Variants in SLC4A1AP observed in about 807,000 individuals in gnomAD.
SLC4A1AP encodes the protein solute carrier family 4 member 1 adaptor protein.
In SLC4A1AP, 64 loss-of-function variants were observed where a neutral mutation model predicts 89.7. The observed-to-expected ratio is 0.71, with a 90% CI of 0.58 to 0.88. SLC4A1AP has a LOEUF of 0.88. SLC4A1AP is among the 40% of genes least tolerant of loss of function. The probability of loss-of-function intolerance (pLI) is 0.00; values close to 1 mark genes in which losing one functional copy is unlikely to be tolerated. For synonymous variants in SLC4A1AP, 366 were observed against 353.3 expected (o/e 1.04, Z -0.40); for missense variants, 931 against 965.0 (o/e 0.96, Z 0.47).
chr2:27,693,540 A>G, intron 12 of SLC4A1AP, 145 bp from the exon 13 acceptor site: 1 of 604,254 alleles, frequency 1.7e-6, no homozygotes, highest in Non-Finnish European at 2.9e-6. Context: ...TTCATTCATG[A>G]AACTTAGTTT....
intron 5 of SLC4A1AP, among the ~76,000 whole-genome samples, chr2:27,670,705 A>G (rs1417365338): frequency 2.6e-5 from 4 of 151,566 alleles, no homozygotes; most frequent in Non-Finnish European, 4.4e-5. Flanking sequence ...AAATACAAAA[A>G]AAAAAATCAG....
At chr2:27,688,700 C>T in exon 12 of SLC4A1AP, 1 of 1,588,540 alleles carries the variant, frequency 6.3e-7, no homozygotes, top group African/African-American at 1.4e-5. Context: ...CTTAAATTAG[C>T]ATCAAAGAAT....
chr2:27,685,024 G>A lies in SLC4A1AP; in HGVS notation c.1876-13G>A, dbSNP rs1675681881. On this transcript the variant is annotated splice_polypyrimidine_tract_variant and intron_variant, in intron 9 of 13. Coordinates refer to ENST00000613058, the Ensembl canonical transcript of SLC4A1AP. ...AGTAGAACTACTTGTTCATGGTTTT[G>A]TTTCCCTCTTAGAAGTTACCCCCCA... 3.2e-6 allele frequency: 5 copies of A among 1,575,496 alleles called. No individual in the cohort carries two copies. In the East Asian group the frequency reaches 9.0e-5, roughly 28 times the overall value.
chr2:27,671,046 C>T (rs2148132582), intron 5 of SLC4A1AP, among the ~76,000 whole-genome samples: 1 of 150,608 alleles, frequency 6.6e-6, no homozygotes, highest in Non-Finnish European at 1.5e-5. Context: ...GCCTCAGCCT[C>T]CTGAGTAGCT....
At chr2:27,684,325 G>C (rs934358010) in intron 9 of SLC4A1AP, among the ~76,000 whole-genome samples, 1 of 151,696 alleles carries the variant, frequency 6.6e-6, no homozygotes, top group African/African-American at 2.4e-5. Flanking sequence ...CTACTCAGGA[G>C]GCTGAGGCAG....
intron 9 of SLC4A1AP, among the ~76,000 whole-genome samples, chr2:27,684,463 T>A (rs1356358043): frequency 2.6e-5 from 4 of 152,038 alleles, no homozygotes; most frequent in Non-Finnish European, 5.9e-5. Flanking sequence ...CAAGATATGC[T>A]TTGGTTCCTT....
At chr2:27,668,224 C>T (rs894739254) in intron 3 of SLC4A1AP, among the ~76,000 whole-genome samples, 6 of 152,162 alleles carry the variant, frequency 3.9e-5, no homozygotes, top group Admixed American at 1.3e-4. Context: ...TCTCGCCTCA[C>T]TGCAAGCTCC....
At chr2:27,687,064 A>G (rs1255609819) in intron 10 of SLC4A1AP, among the ~76,000 whole-genome samples, 2 of 152,104 alleles carry the variant, frequency 1.3e-5, no homozygotes, top group African/African-American at 4.8e-5. Flanking sequence ...TCAGCCTCCC[A>G]AAGTGCTGGG....
intron 11 of SLC4A1AP, among the ~76,000 whole-genome samples, chr2:27,688,240 C>T (rs1675735959): frequency 6.6e-6 from 1 of 152,196 alleles, no homozygotes; most frequent in Non-Finnish European, 1.5e-5. Flanking sequence ...GGGGTTCCCT[C>T]TCCCTCCCCC....
At chr2:27,680,481 T>A (rs892207169) in intron 8 of SLC4A1AP, among the ~76,000 whole-genome samples, 1 of 152,126 alleles carries the variant, frequency 6.6e-6, no homozygotes, top group African/African-American at 2.4e-5. Flanking sequence ...TTTGTTACAG[T>A]AAAACTATTT....
At chr2:27,677,259 A>G (rs747804031) in intron 6 of SLC4A1AP, 36 bp from the exon 7 acceptor site, 6 of 1,393,838 alleles carry the variant, frequency 4.3e-6, no homozygotes, top group African/African-American at 2.9e-5. Context: ...TTGAAAGAAG[A>G]AAAACTTTGT....
intron 8 of SLC4A1AP, among the ~76,000 whole-genome samples, chr2:27,681,472 A>G (rs775910442): frequency 6.6e-6 from 1 of 152,146 alleles, no homozygotes; most frequent in Non-Finnish European, 1.5e-5. Context: ...GGGCTGTCCC[A>G]TGGTCAATAT....
intron 13 of SLC4A1AP, among the ~76,000 whole-genome samples, chr2:27,694,308 A>G (rs1279848092): frequency 6.6e-6 from 1 of 152,178 alleles, no homozygotes; most frequent in Non-Finnish European, 1.5e-5. Context: ...TAGAGATTGT[A>G]CCAGTTTTAT....
chr2:27,691,977 C>G (rs1051166731), intron 12 of SLC4A1AP: 1 of 152,196 alleles, frequency 6.6e-6, no homozygotes, highest in Non-Finnish European at 1.5e-5. Context: ...CTCTCTCTCT[C>G]TCTCTCTCTT....
intron 1 of SLC4A1AP, 46 bp from the exon 2 acceptor site, chr2:27,665,054 C>T (rs562330373): frequency 2.7e-6 from 4 of 1,493,880 alleles, no homozygotes; most frequent in East Asian, 4.6e-5. Flanking sequence ...AGAGCAAGAC[C>T]CTGTCTCTAA....
At chr2:27,671,531 CT>C (rs1400564280) in intron 5 of SLC4A1AP, among the ~76,000 whole-genome samples, 1 of 152,132 alleles carries the variant, frequency 6.6e-6, no homozygotes, top group Non-Finnish European at 1.5e-5. Context: ...TTTGGAGACA[CT>C]TTTTCTGAAG....
intron 8 of SLC4A1AP, among the ~76,000 whole-genome samples, chr2:27,680,120 C>G (rs72613829): frequency 7.9e-5 from 12 of 151,944 alleles, no homozygotes; most frequent in Non-Finnish European, 1.6e-4. Context: ...CTTTAGCAGC[C>G]GATGTCTGCA....
intron 2 of SLC4A1AP, among the ~76,000 whole-genome samples, chr2:27,666,263 C>T (rs1017662072): frequency 6.9e-6 from 1 of 144,976 alleles, no homozygotes; most frequent in Non-Finnish European, 1.5e-5. Context: ...TGACTTAGAT[C>T]TTTGGGAAAC....
chr2:27,664,584 A>G lies in SLC4A1AP; in HGVS notation c.825+7A>G, dbSNP rs1380180364. The stretch of plus-strand genomic sequence containing the variant: ...CCGGCTCTTTATCCTGCAGGTAGGT[A>G]GAAAAACCTAGAATTGAAATTTCGG... On this transcript the variant is annotated splice_region_variant and intron_variant, in intron 1 of 13. Coordinates refer to ENST00000613058, the Ensembl canonical transcript of SLC4A1AP. The G allele has an allele frequency of 1.9e-6, 3 of 1,589,862 alleles. No homozygotes were observed. The highest frequency in any genetic ancestry group is 2.6e-6 in the Non-Finnish European group (3 of 1,165,068).
Sources: allele counts gnomAD v4.1 joint callset (sites outside exome capture counted in the v4.1 genomes callset), GRCh38; gene constraint gnomAD v4.1.1; transcripts MANE v1.5; gene names NCBI Gene and HGNC (gene_info 2026-07-23, HGNC 2026-07-21).